The following JCAD variants were observed in gnomAD, a reference collection of about 807,000 sequenced individuals.
JCAD encodes the protein junctional cadherin 5 associated.
A neutral mutation model predicts 98.0 loss-of-function variants in JCAD; 40 were observed. The observed-to-expected ratio is 0.41, with a 90% CI of 0.32 to 0.53. The LOEUF (loss-of-function observed/expected upper bound fraction) is 0.53. JCAD is among the 20% of genes least tolerant of loss of function. The pLI is 0.31. For missense variants in JCAD, 1,705 were observed against 1,738.1 expected (o/e 0.98, Z 0.34); for synonymous variants, 691 against 682.3 (o/e 1.01, Z -0.20).
At position 30,027,352 on chromosome 10, in the gene JCAD, C is replaced by A. The variant is rs774185105; in HGVS notation, c.2796G>T (p.Pro932=). The change falls in exon 3 of 4, where the codon CCG becomes CCT. Residue 932 remains proline, a synonymous_variant. Coordinates refer to ENST00000375377, the MANE Select transcript of JCAD (RefSeq NM_020848.4). ...CACCTTCTTCCACGCGAAAGCGGCC[C>A]GGGGATGGAGGCCAGGCACGTGGGT... ...PGHPRAWPPS[P]GRFRVEEGGG... is the part of the protein sequence containing the mutation. 1.2e-6 allele frequency: 2 copies of A among 1,611,758 alleles called. No individual in the cohort carries two copies. Among genetic ancestry groups the A allele is most frequent in the Admixed American group, 3.3e-5 (2 of 60,028 alleles).
intron 2 of JCAD, among the ~76,000 whole-genome samples, chr10:30,067,488 A>C (rs2132667030): frequency 6.6e-6 from 1 of 152,052 alleles, no homozygotes; most frequent in East Asian, 2.0e-4. Context: ...CACCATGCCC[A>C]GCTAATTTTT....
At chr10:30,072,505 C>T (rs567882483) in intron 1 of JCAD, among the ~76,000 whole-genome samples, 1 of 151,982 alleles carries the variant, frequency 6.6e-6, no homozygotes, top group East Asian at 1.9e-4. Context: ...CGGTTACTCA[C>T]AAAATAAACT....
rs778282007 is a variant in JCAD at position 30,027,162 on chromosome 10, G to T, written c.2986C>A (p.Pro996Thr). 1.2e-6 allele frequency: 2 copies of T among 1,614,148 alleles called. No homozygotes were observed. The highest frequency in any genetic ancestry group is 1.7e-6 in the Non-Finnish European group (2 of 1,179,980). Residue 996 changes from proline (P) to threonine (T), a missense_variant, in exon 3 of 4, where the codon CCT becomes ACT. Pro to Thr is a conservative substitution (Grantham distance 38). Around this residue, in one of 3 missense-constraint regions of JCAD, gnomAD observed 1,278 missense variants for 1,243.1 expected, o/e 1.03. Transcript: ENST00000375377. ...KPLPASYPAEPREPQESPKIT... is the reference protein window; with the variant it reads ...KPLPASYPAETREPQESPKIT... ...TTCGGACTTTCCTGGGGCTCCCTAG[G>T]TTCAGCTGGATAGGACGCGGGCAGT...
chr10:30,044,750 C>G, intron 2 of JCAD: 2 of 946,198 alleles, frequency 2.1e-6, no homozygotes, highest in Non-Finnish European at 2.5e-6. Context: ...CACTTTGTTT[C>G]TGATGGGGAA....
chr10:30,047,885 G>C lies in JCAD; in HGVS notation c.-59-14C>G. Reference sequence around the variant, plus strand: ...CAGGACCCAGCACTGCAGGACAACAGAGAGCTCTATTTGTGACTAGGTCTC... The same window carrying C: ...CAGGACCCAGCACTGCAGGACAACACAGAGCTCTATTTGTGACTAGGTCTC... On this transcript the variant is annotated splice_polypyrimidine_tract_variant and intron_variant, in intron 1 of 3. Coordinates refer to ENST00000375377, the MANE Select transcript of JCAD (RefSeq NM_020848.4). 6.7e-7 allele frequency: 1 copy of C among 1,493,244 alleles called. No homozygotes were observed. Among genetic ancestry groups the C allele is most frequent in the Non-Finnish European group, 9.0e-7 (1 of 1,107,142 alleles). 92.5% of individuals were successfully genotyped at this position (1,493,244 alleles called of 1,614,324 possible). A position where few individuals can be genotyped will look rare whatever the true frequency, so the allele number is the denominator to read the frequency against.
Position 30,028,498 on chromosome 10 carries a change from G to A in JCAD, c.1650C>T (p.Ser550=). The change falls in exon 3 of 4, where the codon AGC becomes AGT. Residue 550 remains serine, a synonymous_variant. Coordinates refer to ENST00000375377, the MANE Select transcript of JCAD (RefSeq NM_020848.4). ...QVSSPYSQGE[S]TCETQTKLKK... is the part of the protein sequence containing the mutation. ...TGAGCTTGGTTTGAGTTTCGCAGGT[G>A]CTCTCGCCCTGTGAGTAAGGGGAGG... 25 of 1,614,220 alleles carry A rather than the reference G, an allele frequency of 1.5e-5. No individual in the cohort carries two copies. Among genetic ancestry groups the A allele is most frequent in the Non-Finnish European group, 2.0e-5 (24 of 1,180,038 alleles).
intron 2 of JCAD, among the ~76,000 whole-genome samples, chr10:30,043,798 A>G (rs1484487278): frequency 1.3e-5 from 2 of 152,184 alleles, no homozygotes; most frequent in African/African-American, 4.8e-5. Context: ...GGCAGCCCCA[A>G]GGCATCTGGC....
At chr10:30,098,755 C>A (rs1192968897) in intron 1 of JCAD, among the ~76,000 whole-genome samples, 1 of 152,208 alleles carries the variant, frequency 6.6e-6, no homozygotes, top group Admixed American at 6.5e-5. Context: ...TTCCAAAGTT[C>A]TTACTGTCCA....
chr10:30,113,332 C>T (rs1472041407), intron 1 of JCAD, among the ~76,000 whole-genome samples: 1 of 151,926 alleles, frequency 6.6e-6, no homozygotes, highest in Non-Finnish European at 1.5e-5. Context: ...CAGTGGATCA[C>T]CTGAGGTCAG....
At chr10:30,101,488 T>C (rs1028061598) in intron 1 of JCAD, among the ~76,000 whole-genome samples, 1 of 152,228 alleles carries the variant, frequency 6.6e-6, no homozygotes, top group Non-Finnish European at 1.5e-5. Context: ...TTTCCTATCA[T>C]GGCATGAAAC....
At chr10:30,070,993 C>T (rs1056095738) in intron 1 of JCAD, among the ~76,000 whole-genome samples, 2 of 152,206 alleles carry the variant, frequency 1.3e-5, no homozygotes, top group African/African-American at 4.8e-5. Context: ...GCAACCTCCC[C>T]CTCCCGAGTT....
At position 30,029,047 on chromosome 10, in the gene JCAD, A is replaced by G; in HGVS notation, c.1101T>C (p.Cys367=). Residue 367 remains cysteine (C), a synonymous_variant, in exon 3 of 4, where the codon TGT becomes TGC. Transcript: ENST00000375377. The part of the protein sequence containing the change: ...YLEDTVPINV[C]GGHSQQQSPT... ...GAGACTGCTGTTGACTGTGACCGCC[A>G]CACACATTTATGGGCACCGTGTCTT... The G allele has an allele frequency of 6.2e-7, 1 of 1,614,076 alleles. No homozygotes were observed. Among genetic ancestry groups the G allele is most frequent in the Non-Finnish European group, 8.5e-7 (1 of 1,180,014 alleles).
intron 3 of JCAD, among the ~76,000 whole-genome samples, chr10:30,020,285 CCA>C (rs943754702): frequency 4.2e-5 from 6 of 144,130 alleles, no homozygotes; most frequent in Non-Finnish European, 6.0e-5. Flanking sequence ...TGAGATCGCA[CCA>C]CTGCACTCCA....
intron 1 of JCAD, among the ~76,000 whole-genome samples, chr10:30,050,016 C>T (rs1042276197): frequency 6.6e-6 from 1 of 151,666 alleles, no homozygotes; most frequent in Non-Finnish European, 1.5e-5. Context: ...TAGAATTATC[C>T]CAAGGGTAAA....
At chr10:30,024,963 G>C (rs182410219) in intron 3 of JCAD, among the ~76,000 whole-genome samples, 213 of 152,088 alleles carry the variant, frequency 1.4e-3, no homozygotes, top group African/African-American at 4.6e-3. Context: ...CCAAAGTGTT[G>C]GGATTACAGG....
intron 1 of JCAD, among the ~76,000 whole-genome samples, chr10:30,113,442 T>G (rs1838740143): frequency 6.8e-6 from 1 of 146,858 alleles, no homozygotes; most frequent in African/African-American, 2.5e-5. Context: ...TCCCAGCTAC[T>G]TGGGAGGCTG....
Position 30,017,934 on chromosome 10 carries a change from GA to G in JCAD, c.4046-18del. On this transcript the variant is annotated intron_variant, in intron 3 of 3. Coordinates refer to ENST00000375377, the MANE Select transcript of JCAD (RefSeq NM_020848.4). ...CATAGGAATCTGTAAAATAAGAAAA[GA>G]AAAGAAAATTAGTGTTATATTCAAC... 6.2e-7 allele frequency: 1 copy of G among 1,604,398 alleles called. No individual in the cohort carries two copies. Among genetic ancestry groups the G allele is most frequent in the Non-Finnish European group, 8.5e-7 (1 of 1,173,312 alleles).
chr10:30,058,148 C>T (rs1355396000), intron 1 of JCAD, among the ~76,000 whole-genome samples: 1 of 152,212 alleles, frequency 6.6e-6, no homozygotes, highest in Non-Finnish European at 1.5e-5. Flanking sequence ...TTTTGCAACC[C>T]TAGCCCTCAA....
rs527313948 is a variant in JCAD, at chr10:30,033,801, G to C, written c.282-3935C>G. 7.9e-5 allele frequency among the ~76,000 whole-genome samples: 12 copies of C among 152,328 alleles called. No individual in the cohort carries two copies. In the East Asian group the frequency reaches 2.3e-3, roughly 29 times the overall value. On this transcript the variant is annotated intron_variant, in intron 2 of 3. Coordinates refer to ENST00000375377, the MANE Select transcript of JCAD (RefSeq NM_020848.4). ...GTCCCTGCTGGGGCCTGGGCTGCAGGAGAGCCCTTCCAATCACAGAGGCAG... is the reference window on the plus strand; with the variant it reads ...GTCCCTGCTGGGGCCTGGGCTGCAGCAGAGCCCTTCCAATCACAGAGGCAG...
Sources: gnomAD v4.1 joint callset for allele counts (sites outside exome capture counted in the v4.1 genomes callset) on GRCh38, gnomAD v4.1.1 for gene constraint, gnomAD v4.1.1 regional missense constraint, MANE v1.5 for transcripts, NCBI Gene and HGNC (gene_info 2026-07-23, HGNC 2026-07-21) for gene names.